BABAM2: variants seen among roughly 807,000 people sequenced by gnomAD.
BABAM2 encodes the protein BRISC and BRCA1 A complex member 2, also known as BRISC and BRCA1-A complex member 2.
In BABAM2, 31 loss-of-function variants were observed where a neutral mutation model predicts 54.7. That is an observed-to-expected ratio of 0.57 (90% CI 0.43 to 0.77). The LOEUF (loss-of-function observed/expected upper bound fraction) is 0.77, where lower values mean the gene tolerates loss of function less well. Among genes scored for constraint, BABAM2 ranks in the 30% least tolerant of loss-of-function variants. BABAM2 has a pLI of 0.00. For missense variants in BABAM2, 364 were observed against 455.8 expected, an observed-to-expected ratio of 0.80 and a Z score of 1.83; for synonymous variants, 167 against 162.9, an observed-to-expected ratio of 1.03 and a Z score of -0.19.
chr2:28,277,400 C>T (rs747311607), intron 10 of BABAM2, among the ~76,000 whole-genome samples: 6 of 152,170 alleles, frequency 3.9e-5, no homozygotes, highest in East Asian at 1.9e-4. Context: ...CCACTGTTCC[C>T]GGCCCATAAT....
intron 10 of BABAM2, among the ~76,000 whole-genome samples, chr2:28,282,283 C>T (rs1457340836): frequency 6.6e-6 from 1 of 152,126 alleles, no homozygotes; most frequent in African/African-American, 2.4e-5. Context: ...TCATCATGCC[C>T]TTGAGCTTAA....
At chr2:27,950,856 A>G (rs189242620) in intron 3 of BABAM2, among the ~76,000 whole-genome samples, 32 of 152,258 alleles carry the variant, frequency 2.1e-4, no homozygotes, top group African/African-American at 7.2e-4. Context: ...TATCTACTTC[A>G]TCTTGAATGA....
intron 5 of BABAM2, among the ~76,000 whole-genome samples, chr2:28,028,434 T>C (rs1676041417): frequency 1.4e-5 from 2 of 139,618 alleles, no homozygotes; most frequent in South Asian, 5.1e-4. Context: ...CAGAATTACA[T>C]AGGAATGTGA....
intron 3 of BABAM2, among the ~76,000 whole-genome samples, chr2:27,944,423 A>G (rs556200507): frequency 1.3e-5 from 2 of 152,266 alleles, no homozygotes; most frequent in South Asian, 2.1e-4. Flanking sequence ...GAGCCTTTTC[A>G]TTTCTCTAAA....
At chr2:28,030,442 G>C (rs1676211509) in intron 5 of BABAM2, among the ~76,000 whole-genome samples, 1 of 152,208 alleles carries the variant, frequency 6.6e-6, no homozygotes, top group African/African-American at 2.4e-5. Flanking sequence ...AAAGCTTACA[G>C]CAGACCAGGC....
intron 11 of BABAM2, among the ~76,000 whole-genome samples, chr2:28,336,222 G>C (rs937877554): frequency 6.6e-6 from 1 of 152,200 alleles, no homozygotes; most frequent in African/African-American, 2.4e-5. Context: ...GAGTCACTAC[G>C]GATGGAGGGA....
chr2:28,176,588 A>AAAAAAAAAAC (rs1435355693), intron 7 of BABAM2, among the ~76,000 whole-genome samples: 3 of 144,998 alleles, frequency 2.1e-5, no homozygotes, highest in Non-Finnish European at 4.5e-5. Flanking sequence ...AAAAAAAAAA[A>AAAAAAAAAAC]AAAAAAAACC....
intron 4 of BABAM2, among the ~76,000 whole-genome samples, chr2:28,001,788 G>T (rs1020506982): frequency 5.3e-5 from 8 of 151,978 alleles, no homozygotes; most frequent in Non-Finnish European, 1.2e-4. Context: ...CAAACAATCA[G>T]ATCTCATGTG....
chr2:28,163,000 G>T (rs925453229), intron 7 of BABAM2, among the ~76,000 whole-genome samples: 11 of 152,056 alleles, frequency 7.2e-5, no homozygotes, highest in Non-Finnish European at 1.3e-4. Context: ...GAATAAATTG[G>T]TTTTTTAGTC....
chr2:27,967,692 T>C (rs1344386952), intron 3 of BABAM2, among the ~76,000 whole-genome samples: 1 of 152,142 alleles, frequency 6.6e-6, no homozygotes, highest in Non-Finnish European at 1.5e-5. Context: ...GTTGAATGGC[T>C]TTGACCAAAA....
upstream of BABAM2, chr2:27,890,549 A>C: frequency 1.7e-6 from 1 of 576,246 alleles, no homozygotes; most frequent in Admixed American, 3.1e-5. The surrounding 1 kb of genome is among the most constrained non-coding windows in gnomAD (Gnocchi z 4.8). Flanking sequence ...AGCCTCACGT[A>C]ACAGGGCCCT....
intron 4 of BABAM2, among the ~76,000 whole-genome samples, chr2:28,005,416 T>A (rs1367137558): frequency 1.3e-5 from 2 of 152,200 alleles, no homozygotes; most frequent in East Asian, 1.9e-4. Context: ...CTTTTTAATT[T>A]GTAATTATTA....
At chr2:28,131,035 C>G (rs920642953) in intron 7 of BABAM2, among the ~76,000 whole-genome samples, 2 of 150,800 alleles carry the variant, frequency 1.3e-5, no homozygotes, top group African/African-American at 4.9e-5. Flanking sequence ...GCCACAGTGC[C>G]TGGCCCCAAA....
At chr2:27,926,019 T>C (rs559799342) in intron 2 of BABAM2, among the ~76,000 whole-genome samples, 1 of 152,036 alleles carries the variant, frequency 6.6e-6, no homozygotes, top group Admixed American at 6.5e-5. Context: ...TGCATGTTGG[T>C]TTTGCACCAT....
chr2:28,103,843 A>T (rs1328130265), intron 6 of BABAM2, among the ~76,000 whole-genome samples: 1 of 152,206 alleles, frequency 6.6e-6, no homozygotes, highest in African/African-American at 2.4e-5. Flanking sequence ...AGAACTCCTA[A>T]TAGTTCCTAG....
chr2:28,266,068 T>A (rs1684960452), intron 10 of BABAM2, among the ~76,000 whole-genome samples: 1 of 152,074 alleles, frequency 6.6e-6, no homozygotes, highest in Non-Finnish European at 1.5e-5. Flanking sequence ...CACTGCAACC[T>A]CCACCTCCTG....
chr2:28,302,503 A>G (rs1688188869), intron 11 of BABAM2, among the ~76,000 whole-genome samples: 1 of 152,058 alleles, frequency 6.6e-6, no homozygotes, highest in Non-Finnish European at 1.5e-5. Context: ...GTATTAATCC[A>G]TTCACCCATG....
chr2:28,121,421 C>G (rs2148750859), intron 6 of BABAM2, among the ~76,000 whole-genome samples: 2 of 152,298 alleles, frequency 1.3e-5, no homozygotes, highest in South Asian at 4.2e-4. Context: ...TTTCCTTGTT[C>G]TTGACTATCT....
intron 4 of BABAM2, among the ~76,000 whole-genome samples, chr2:28,019,574 A>AATG (rs1675102482): frequency 1.3e-5 from 2 of 152,118 alleles, no homozygotes; most frequent in African/African-American, 4.8e-5. Flanking sequence ...TGCCTAAGCC[A>AATG]ATGTCTAGAA....
Sources: allele counts gnomAD v4.1 joint callset (sites outside exome capture counted in the v4.1 genomes callset), GRCh38; gene constraint gnomAD v4.1.1; non-coding constraint Gnocchi (gnomAD v3.1); transcripts MANE v1.5; gene names NCBI Gene and HGNC (gene_info 2026-07-23, HGNC 2026-07-21).